The following MAN1A1 variants were observed in gnomAD, a reference collection of about 807,000 sequenced individuals.
MAN1A1 encodes mannosyl-oligosaccharide 1,2-alpha-mannosidase IA.
In MAN1A1, 29 loss-of-function variants were observed where a neutral mutation model predicts 70.8. The observed-to-expected ratio is 0.41, with a 90% CI of 0.31 to 0.56. The LOEUF is 0.56. MAN1A1 is among the 20% of genes least tolerant of loss of function. The pLI is 0.29. For synonymous variants in MAN1A1, 349 were observed against 330.1 expected, an observed-to-expected ratio of 1.06 and a Z score of -0.62; for missense variants, 747 against 841.3, an observed-to-expected ratio of 0.89 and a Z score of 1.39.
chr6:119,298,742 G>A (rs563614516), intron 4 of MAN1A1, among the ~76,000 whole-genome samples: 2 of 151,904 alleles, frequency 1.3e-5, no homozygotes, highest in South Asian at 2.1e-4. Flanking sequence ...GACTACAGGC[G>A]TGTGCCACCA....
chr6:119,333,674 A>G (rs1372852399), intron 2 of MAN1A1, among the ~76,000 whole-genome samples: 1 of 152,228 alleles, frequency 6.6e-6, no homozygotes, highest in Non-Finnish European at 1.5e-5. Flanking sequence ...GATCAGTCAA[A>G]AGTGGAGAAT....
chr6:119,193,121 C>T (rs1475605833), intron 9 of MAN1A1, among the ~76,000 whole-genome samples: 4 of 150,910 alleles, frequency 2.7e-5, no homozygotes, highest in Non-Finnish European at 5.9e-5. Flanking sequence ...CTCTGAGGTA[C>T]AGCAACTTTA....
intron 6 of MAN1A1, among the ~76,000 whole-genome samples, chr6:119,216,123 GC>G (rs1457286685): frequency 2.0e-5 from 3 of 152,148 alleles, no homozygotes; most frequent in Non-Finnish European, 2.9e-5. Flanking sequence ...TGATGCAGGG[GC>G]AGATTACACA....
chr6:119,329,703 T>C (rs1223877652), intron 2 of MAN1A1, among the ~76,000 whole-genome samples: 2 of 152,154 alleles, frequency 1.3e-5, no homozygotes, highest in African/African-American at 4.8e-5. Context: ...AGTATTCTGT[T>C]TCTTTACTCA....
At chr6:119,221,354 TA>T (rs1265855076) in intron 6 of MAN1A1, among the ~76,000 whole-genome samples, 2 of 152,152 alleles carry the variant, frequency 1.3e-5, no homozygotes, top group Non-Finnish European at 2.9e-5. Context: ...ATTTTAAAGA[TA>T]ATTTTTGCAT....
intron 2 of MAN1A1, among the ~76,000 whole-genome samples, chr6:119,340,951 A>G (rs901332065): frequency 6.6e-6 from 1 of 152,236 alleles, no homozygotes; most frequent in African/African-American, 2.4e-5. Flanking sequence ...GCAGACTGAG[A>G]AACACGAGCG....
intron 6 of MAN1A1, among the ~76,000 whole-genome samples, chr6:119,241,896 ATATG>A (rs1358566946): frequency 9.8e-5 from 6 of 61,490 alleles, no homozygotes; most frequent in African/African-American, 1.5e-4. Flanking sequence ...GGCAGCAATT[ATATG>A]TGTGTGTGTG....
chr6:119,255,995 T>G (rs1351992477), intron 5 of MAN1A1, among the ~76,000 whole-genome samples: 1 of 152,232 alleles, frequency 6.6e-6, no homozygotes, highest in Non-Finnish European at 1.5e-5. Flanking sequence ...TCAATACAAT[T>G]CAATTTTTAG....
intron 4 of MAN1A1, among the ~76,000 whole-genome samples, chr6:119,298,999 CAT>C (rs1318582188): frequency 6.6e-6 from 1 of 151,860 alleles, no homozygotes; most frequent in Non-Finnish European, 1.5e-5. Context: ...AATGATACTA[CAT>C]GTTATTTAGT....
At chr6:119,213,600 A>G (rs1364666168) in intron 6 of MAN1A1, among the ~76,000 whole-genome samples, 1 of 152,186 alleles carries the variant, frequency 6.6e-6, no homozygotes, top group Non-Finnish European at 1.5e-5. Flanking sequence ...ATCTGCATAT[A>G]ATCAGCTCTT....
At chr6:119,197,405 G>A (rs920492950) in intron 8 of MAN1A1, among the ~76,000 whole-genome samples, 12 of 152,070 alleles carry the variant, frequency 7.9e-5, no homozygotes, top group African/African-American at 2.7e-4. Context: ...CTAGGTGCAA[G>A]ACACTGTGTA....
At chr6:119,269,900 A>T (rs747995448) in intron 5 of MAN1A1, among the ~76,000 whole-genome samples, 4 of 152,176 alleles carry the variant, frequency 2.6e-5, no homozygotes, top group Non-Finnish European at 5.9e-5. Context: ...GGTTCAAGCT[A>T]TCCTCCTGCC....
intron 6 of MAN1A1, among the ~76,000 whole-genome samples, chr6:119,213,086 T>C (rs1037731740): frequency 3.9e-5 from 6 of 152,210 alleles, no homozygotes; most frequent in African/African-American, 1.4e-4. Context: ...ATGAGGTAAG[T>C]TTAGATATTT....
chr6:119,260,989 T>C (rs957817277), intron 5 of MAN1A1, among the ~76,000 whole-genome samples: 2 of 141,028 alleles, frequency 1.4e-5, no homozygotes, highest in Non-Finnish European at 3.1e-5. Flanking sequence ...TTTTTTTTTT[T>C]TTTTTTTGAG....
chr6:119,228,537 A>C (rs1357231561), intron 6 of MAN1A1, among the ~76,000 whole-genome samples: 1 of 152,180 alleles, frequency 6.6e-6, no homozygotes, highest in Non-Finnish European at 1.5e-5. Context: ...TAATTCAGAA[A>C]AAGAATTCTA....
chr6:119,265,952 T>C (rs1220158133), intron 5 of MAN1A1, among the ~76,000 whole-genome samples: 1 of 152,196 alleles, frequency 6.6e-6, no homozygotes, highest in Non-Finnish European at 1.5e-5. Flanking sequence ...AGAAAATCAA[T>C]GTTTTCCTAT....
At chr6:119,350,163 C>T (rs1773870219), upstream of MAN1A1, among the ~76,000 whole-genome samples, 1 of 152,180 alleles carries the variant, frequency 6.6e-6, no homozygotes, top group African/African-American at 2.4e-5. Context: ...GCCTCCTCCT[C>T]CGACCCGTGC....
chr6:119,260,976 G>GTTTTTTTTTT (rs61169300), intron 5 of MAN1A1, among the ~76,000 whole-genome samples: 1 of 116,940 alleles, frequency 8.6e-6, no homozygotes, highest in Non-Finnish European at 1.7e-5. Flanking sequence ...TTTTTTTATT[G>GTTTTTTTTTT]TTTTTTTTTT....
At chr6:119,277,718 C>T (rs1203269271) in intron 5 of MAN1A1, among the ~76,000 whole-genome samples, 2 of 151,614 alleles carry the variant, frequency 1.3e-5, no homozygotes, top group East Asian at 1.9e-4. Flanking sequence ...GGGTGAATCA[C>T]GAGGTCAGGA....
Sources: gnomAD v4.1 joint callset for allele counts (sites outside exome capture counted in the v4.1 genomes callset) on GRCh38, gnomAD v4.1.1 for gene constraint, MANE v1.5 for transcripts, NCBI Gene and HGNC (gene_info 2026-07-23, HGNC 2026-07-21) for gene names.